The following BMP7 variants were observed in gnomAD, a reference collection of about 807,000 sequenced individuals.
BMP7 encodes the protein bone morphogenetic protein 7.
A neutral mutation model predicts 41.2 loss-of-function variants in BMP7; 12 were observed. The ratio of observed to expected loss-of-function variants is 0.29; its 90% CI spans 0.19 to 0.47. The LOEUF (loss-of-function observed/expected upper bound fraction) is 0.47. Among genes scored for constraint, BMP7 ranks in the 20% least tolerant of loss-of-function variants. The probability of loss-of-function intolerance (pLI) is 0.99; values close to 1 mark genes in which losing one functional copy is unlikely to be tolerated. For synonymous variants in BMP7, 248 were observed against 250.0 expected (o/e 0.99, Z 0.07); for missense variants, 467 against 606.0 (o/e 0.77, Z 2.41).
chr20:57,264,226 T>C (rs1352397109), intron 1 of BMP7, among the ~76,000 whole-genome samples: 1 of 152,170 alleles, frequency 6.6e-6, no homozygotes, highest in Non-Finnish European at 1.5e-5. Context: ...GGGGGAAGCA[T>C]GAAGGCGGAT....
intron 5 of BMP7, 104 bp from the exon 6 acceptor site, chr20:57,173,414 G>C: frequency 1.8e-6 from 2 of 1,126,408 alleles, no homozygotes; most frequent in Middle Eastern, 2.1e-4. Context: ...CACGACCCAA[G>C]GTGGAAGCCT....
chr20:57,185,139 G>A (rs1383939855), intron 3 of BMP7, among the ~76,000 whole-genome samples: 1 of 152,200 alleles, frequency 6.6e-6, no homozygotes, highest in Non-Finnish European at 1.5e-5. Context: ...CACGTGGGAG[G>A]TGACGTGAGA....
rs1408984752 is a variant in BMP7 at position 57,224,984 on chromosome 20, G to C, written c.611+3245C>G. The C allele has an allele frequency of 1.7e-4, 26 of 152,340 alleles. No homozygotes were observed. The highest frequency in any genetic ancestry group is 1.7e-3 in the Admixed American group (26 of 15,288). The allele number at this position is 152,340 out of a possible 1,614,324, so 9.4% of individuals were successfully genotyped here. A position where few individuals can be genotyped will look rare whatever the true frequency, so the allele number is the denominator to read the frequency against. ...CTGACCCAAAGCCGGCTAATCCTCG[G>C]CACCCCCGGGGCTTTCCTGGAGCTC... On this transcript the variant is annotated intron_variant, in intron 2 of 6. Transcript: ENST00000395863. The surrounding 1 kb of genome is among the most constrained non-coding windows in gnomAD (Gnocchi z 4.8).
chr20:57,208,451 C>T (rs1424786866), intron 2 of BMP7, among the ~76,000 whole-genome samples: 3 of 152,122 alleles, frequency 2.0e-5, no homozygotes, highest in Non-Finnish European at 4.4e-5. Context: ...GTGTTACTGG[C>T]AAGGATGTAG....
At chr20:57,201,450 G>T (rs1454719619) in intron 3 of BMP7, among the ~76,000 whole-genome samples, 1 of 152,102 alleles carries the variant, frequency 6.6e-6, no homozygotes, top group African/African-American at 2.4e-5. Flanking sequence ...TTATGGGAGA[G>T]GGGAAAAACA....
chr20:57,174,909 A>G lies in BMP7; in HGVS notation c.1035+22T>C. ...CCACGCCAGAGGGCCCACACCCAAGACAGACCCAGCCAGCCCCTTACCTGC... is the reference window on the plus strand; with the variant it reads ...CCACGCCAGAGGGCCCACACCCAAGGCAGACCCAGCCAGCCCCTTACCTGC... On this transcript the variant is annotated intron_variant, in intron 5 of 6. Coordinates refer to ENST00000395863, the MANE Select transcript of BMP7 (RefSeq NM_001719.3). This position sits in a 1 kb window ranked among gnomAD's most constrained non-coding sequence, Gnocchi z 4.3. 6.2e-7 allele frequency: 1 copy of G among 1,606,478 alleles called. No homozygotes were observed. Among genetic ancestry groups the G allele is most frequent in the Non-Finnish European group, 8.5e-7 (1 of 1,178,678 alleles).
At chr20:57,187,613 A>G (rs989157064) in intron 3 of BMP7, among the ~76,000 whole-genome samples, 5 of 151,822 alleles carry the variant, frequency 3.3e-5, no homozygotes, top group Non-Finnish European at 2.9e-5. Flanking sequence ...GGATAGATGG[A>G]GCCACAGAAA....
In BMP7 at chr20:57,173,312, TGAG is replaced by T. The variant is rs769728766; in HGVS notation, c.1036-5_1036-3del. 100 of 1,613,286 alleles carry T rather than the reference TGAG, an allele frequency of 6.2e-5. No homozygotes were observed. The highest frequency in any genetic ancestry group is 8.3e-5 in the Admixed American group (5 of 59,994). On this transcript the variant is annotated splice_polypyrimidine_tract_variant and splice_region_variant and intron_variant, in intron 5 of 6. Coordinates refer to ENST00000395863, the MANE Select transcript of BMP7 (RefSeq NM_001719.3). ...GCCTTCAGGCGCGATGATCCAGTCCTGAGGAGGAGAAGAGAGTGTGGGAAACCA... is the reference window on the plus strand; with the variant it reads ...GCCTTCAGGCGCGATGATCCAGTCCTGAGGAGAAGAGAGTGTGGGAAACCA...
intron 1 of BMP7, chr20:57,243,826 C>G (rs2066079207): frequency 6.6e-6 from 1 of 152,306 alleles, no homozygotes; most frequent in Non-Finnish European, 1.5e-5. Flanking sequence ...CTCCCATAGC[C>G]TAACTACTGG....
At chr20:57,181,612 A>G (rs1342035265) in intron 4 of BMP7, among the ~76,000 whole-genome samples, 2 of 152,218 alleles carry the variant, frequency 1.3e-5, no homozygotes, top group East Asian at 3.8e-4. Flanking sequence ...AAACAATACA[A>G]GCGGATTATA....
At chr20:57,204,535 C>T (rs571916268) in intron 2 of BMP7, among the ~76,000 whole-genome samples, 9 of 152,324 alleles carry the variant, frequency 5.9e-5, no homozygotes, top group East Asian at 1.9e-4. Context: ...AGACAGGAAC[C>T]GAGGCAGGTG....
chr20:57,241,683 C>A (rs1400626602), intron 1 of BMP7, among the ~76,000 whole-genome samples: 1 of 152,192 alleles, frequency 6.6e-6, no homozygotes, highest in Admixed American at 6.5e-5. Flanking sequence ...GGAGGCGAGA[C>A]CACAGGCAGG....
Position 57,228,526 on chromosome 20 carries a change from T to C in BMP7, c.419-105A>G. The C allele has an allele frequency of 7.3e-7, 1 of 1,373,614 alleles. No homozygotes were observed. Among genetic ancestry groups the C allele is most frequent in the South Asian group, 1.2e-5 (1 of 84,998 alleles). 85.1% of individuals were successfully genotyped at this position (1,373,614 alleles called of 1,614,324 possible). A position where few individuals can be genotyped will look rare whatever the true frequency, so the allele number is the denominator to read the frequency against. The stretch of plus-strand genomic sequence containing the variant: ...ATCTTGCCTAAGCTAGATGGAGGCA[T>C]GCCCATTGCCAGTGACCCCAGTGAC... On this transcript the variant is annotated intron_variant, in intron 1 of 6. Transcript: ENST00000395863. This position sits in a 1 kb window ranked among gnomAD's most constrained non-coding sequence, Gnocchi z 4.5.
Position 57,224,479 on chromosome 20 carries a change from A to G in BMP7, c.611+3750T>C, listed in dbSNP as rs1052666133. On this transcript the variant is annotated intron_variant, in intron 2 of 6. Coordinates refer to ENST00000395863, the MANE Select transcript of BMP7 (RefSeq NM_001719.3). This position sits in a 1 kb window ranked among gnomAD's most constrained non-coding sequence, Gnocchi z 4.8. ...GTGGGGCAAGCCTGACACATGCTCA[A>G]GGAGAGACGGGGAAGACTGGGATGG... 6.6e-6 allele frequency: 1 copy of G among 152,364 alleles called. No homozygotes were observed. Among genetic ancestry groups the G allele is most frequent in the Non-Finnish European group, 1.5e-5 (1 of 68,192 alleles). 9.4% of individuals were successfully genotyped at this position (152,364 alleles called of 1,614,324 possible).
chr20:57,262,981 G>A (rs1166822041), intron 1 of BMP7, among the ~76,000 whole-genome samples: 1 of 152,128 alleles, frequency 6.6e-6, no homozygotes, highest in Non-Finnish European at 1.5e-5. Context: ...CTCCTATGGA[G>A]AAATTCCAAG....
chr20:57,183,234 CAA>C (rs527278475), intron 4 of BMP7, among the ~76,000 whole-genome samples: 2 of 131,594 alleles, frequency 1.5e-5, no homozygotes, highest in African/African-American at 2.9e-5. Flanking sequence ...GACTTCATCT[CAA>C]AAAAAAAAAA....
chr20:57,180,377 CA>C (rs1051475478), intron 4 of BMP7, among the ~76,000 whole-genome samples: 2 of 151,694 alleles, frequency 1.3e-5, no homozygotes, highest in African/African-American at 4.8e-5. Flanking sequence ...TCTGCCCCTG[CA>C]GGTCCCACAG....
rs773408240 is a variant in BMP7 at position 57,173,266 on chromosome 20, C to T, written c.1080G>A (p.Glu360=). 6.2e-7 allele frequency: 1 copy of T among 1,614,226 alleles called. No individual in the cohort carries two copies. Among genetic ancestry groups the T allele is most frequent in the Non-Finnish European group, 8.5e-7 (1 of 1,180,040 alleles). The part of the protein sequence containing the change: ...APEGYAAYYC[E]GECAFPLNSY... ...AGTTCAGAGGGAAGGCACACTCCCC[C>T]TCACAGTAGTAGGCGGCGTAGCCTT... Residue 360 remains glutamate (E), a synonymous_variant, in exon 6 of 7, where the codon GAG becomes GAA. Transcript: ENST00000395863.
At chr20:57,173,498 G>A (rs1391900653) in intron 5 of BMP7, 188 bp from the exon 6 acceptor site, 1 of 665,652 alleles carries the variant, frequency 1.5e-6, no homozygotes, top group African/African-American at 1.8e-5. Flanking sequence ...GGTCCCAAAA[G>A]AATGGAAAGA....
Sources: allele counts gnomAD v4.1 joint callset (sites outside exome capture counted in the v4.1 genomes callset), GRCh38; gene constraint gnomAD v4.1.1; non-coding constraint Gnocchi (gnomAD v3.1); transcripts MANE v1.5; gene names NCBI Gene and HGNC (gene_info 2026-07-23, HGNC 2026-07-21).